MS4A7: variants seen among roughly 807,000 people sequenced by gnomAD.
MS4A7 encodes the protein membrane spanning 4-domains A7.
MS4A7 carries 21 observed loss-of-function variants against 23.5 expected under a neutral mutation model. The observed-to-expected ratio is 0.89, with a 90% CI of 0.63 to 1.29. The LOEUF is 1.29. MS4A7 is among the 50% of genes most tolerant of loss of function. The pLI is 0.00. For synonymous variants in MS4A7, 111 were observed against 107.4 expected (o/e 1.03, Z -0.21); for missense variants, 263 against 274.2 (o/e 0.96, Z 0.29).
At chr11:60,385,025 A>G (rs973164055) in intron 2 of MS4A7, 63 bp from the exon 3 acceptor site, 1 of 1,466,760 alleles carries the variant, frequency 6.8e-7, no homozygotes, top group South Asian at 1.2e-5. Context: ...TACCGTGTGC[A>G]TTCAAATAAT....
intron 4 of MS4A7, among the ~76,000 whole-genome samples, chr11:60,387,596 T>C (rs558397330): frequency 2.0e-5 from 3 of 152,180 alleles, no homozygotes; most frequent in South Asian, 2.1e-4. Context: ...ATGAGGGTGA[T>C]GGAGTAGGGG....
chr11:60,392,437 C>T (rs927852905), intron 5 of MS4A7, among the ~76,000 whole-genome samples: 4 of 151,890 alleles, frequency 2.6e-5, no homozygotes, highest in African/African-American at 9.7e-5. Flanking sequence ...ATAAAAGCAA[C>T]CAGAGATAAG....
At chr11:60,393,120 C>CAA (rs879586947) in intron 6 of MS4A7, among the ~76,000 whole-genome samples, 1 of 133,768 alleles carries the variant, frequency 7.5e-6, no homozygotes, top group African/African-American at 2.8e-5. Flanking sequence ...GACTCAGTCT[C>CAA]AAAAAAAAAA....
At chr11:60,384,939 C>T (rs2085467872) in intron 2 of MS4A7, 149 bp from the exon 3 acceptor site, 7 of 614,970 alleles carry the variant, frequency 1.1e-5, no homozygotes, top group Non-Finnish European at 1.9e-5. Context: ...TCTCTAGAAG[C>T]ATATCGATTG....
chr11:60,386,298 T>C (rs1223799939), intron 3 of MS4A7, among the ~76,000 whole-genome samples: 1 of 152,230 alleles, frequency 6.6e-6, no homozygotes, highest in Non-Finnish European at 1.5e-5. Context: ...CCAGTCCATG[T>C]GTTTCTGCAC....
intron 1 of MS4A7, 54 bp from the exon 2 acceptor site, chr11:60,383,075 T>A (rs542904679): frequency 6.3e-7 from 1 of 1,581,778 alleles, no homozygotes; most frequent in African/African-American, 1.3e-5. Context: ...CCTGGGAAGT[T>A]TATGTCTGTA....
At chr11:60,383,375 T>A in intron 2 of MS4A7, 87 bp downstream of exon 2, 1 of 1,467,628 alleles carries the variant, frequency 6.8e-7, no homozygotes, top group Non-Finnish European at 9.2e-7. Context: ...TCTGGGAAAC[T>A]CTTTCACTCT....
intron 1 of MS4A7, among the ~76,000 whole-genome samples, chr11:60,379,388 CTAAA>C (rs1483001751): frequency 3.3e-5 from 5 of 152,260 alleles, no homozygotes; most frequent in Non-Finnish European, 1.5e-5. Context: ...TAGAAACCAC[CTAAA>C]TAGTCATGAA....
intron 3 of MS4A7, among the ~76,000 whole-genome samples, chr11:60,385,769 T>C (rs1165810999): frequency 6.6e-6 from 1 of 152,164 alleles, no homozygotes; most frequent in Non-Finnish European, 1.5e-5. Flanking sequence ...TAATGGCTCA[T>C]GAAAAAGGGC....
chr11:60,385,046 T>C (rs2085469545), intron 2 of MS4A7, 42 bp from the exon 3 acceptor site: 2 of 1,577,730 alleles, frequency 1.3e-6, no homozygotes, highest in Middle Eastern at 1.7e-4. Flanking sequence ...CACTTTTATC[T>C]GTTTGAAGTG....
chr11:60,395,186 T>G lies in MS4A7; in HGVS notation c.*1325T>G, dbSNP rs563013442. ...TTCCCAGTCATTGCTGCAATTATCT[T>G]GTCTGTTCTTTGTGTAATATGTTCT... On this transcript the variant is annotated 3_prime_UTR_variant, in exon 7 of 7. Transcript: ENST00000300184. The G allele has an allele frequency of 9.8e-5, 35 of 358,106 alleles. No individual in the cohort carries two copies. Among genetic ancestry groups the G allele is most frequent in the African/African-American group, 4.6e-4 (22 of 48,126 alleles). The allele number at this position is 358,106 out of a possible 1,614,324, so 22.2% of individuals were successfully genotyped here.
At chr11:60,380,761 A>G (rs11230293) in intron 1 of MS4A7, among the ~76,000 whole-genome samples, 4 of 152,236 alleles carry the variant, frequency 2.6e-5, no homozygotes, top group Non-Finnish European at 5.9e-5. Context: ...TCTTCAACCT[A>G]TATTCCCTAA....
At position 60,393,832 on chromosome 11, in the gene MS4A7, A is replaced by C; in HGVS notation, c.694A>C (p.Lys232Gln). The C allele has an allele frequency of 6.2e-7, 1 of 1,611,650 alleles. No homozygotes were observed. Among genetic ancestry groups the C allele is most frequent in the East Asian group, 2.2e-5 (1 of 44,662 alleles). ...TQSQDHIQQV[K>Q]KSSSRSWI Reference sequence around the variant, plus strand: ...GTCACAAGATCATATCCAACAGGTCAAAAAGAGTTCTTCACGGTCTTGGAT... The same window carrying C: ...GTCACAAGATCATATCCAACAGGTCCAAAAGAGTTCTTCACGGTCTTGGAT... Residue 232 changes from lysine to glutamine, a missense_variant, in exon 7 of 7, where the codon AAA becomes CAA. Lys to Gln is a moderately conservative substitution (Grantham distance 53). Coordinates refer to ENST00000300184, the MANE Select transcript of MS4A7 (RefSeq NM_021201.5).
At chr11:60,389,960 AT>A (rs2085533745) in intron 5 of MS4A7, 1 of 243,344 alleles carries the variant, frequency 4.1e-6, no homozygotes, top group African/African-American at 2.3e-5. Context: ...CTTCATTTGA[AT>A]TATATTTTAA....
At chr11:60,384,403 T>C (rs759961165) in intron 2 of MS4A7, among the ~76,000 whole-genome samples, 13 of 152,226 alleles carry the variant, frequency 8.5e-5, no homozygotes, top group Non-Finnish European at 1.8e-4. Flanking sequence ...AGACAAGACA[T>C]AGTACACATA....
At chr11:60,382,620 C>T (rs773666056) in intron 1 of MS4A7, among the ~76,000 whole-genome samples, 2 of 152,150 alleles carry the variant, frequency 1.3e-5, no homozygotes, top group East Asian at 1.9e-4. Flanking sequence ...CAGGCCATCT[C>T]GCTATAGGAA....
rs145281316 is a variant in MS4A7, at chr11:60,391,071, G to A, written c.546+1475G>A. Among the ~76,000 whole-genome samples, 1,042 of 152,268 alleles carry A rather than the reference G, an allele frequency of 6.8e-3. 14 individuals are homozygous for A. Among genetic ancestry groups the A allele is most frequent in the African/African-American group, 0.024 (1,001 of 41,556 alleles). ...AGGATCACACAGTTTTAACATCCAT[G>A]ACAAGATTTGGCATTGGACAGGGCC... On this transcript the variant is annotated intron_variant, in intron 5 of 6. Transcript: ENST00000300184.
chr11:60,386,322 A>C (rs986027777), intron 3 of MS4A7, among the ~76,000 whole-genome samples: 10 of 152,160 alleles, frequency 6.6e-5, no homozygotes, highest in African/African-American at 2.4e-4. Context: ...GTCCCATCAG[A>C]GCCTCTTTCC....
intron 1 of MS4A7, among the ~76,000 whole-genome samples, chr11:60,379,193 TAAAG>T (rs1439328867): frequency 6.6e-6 from 1 of 152,222 alleles, no homozygotes; most frequent in Non-Finnish European, 1.5e-5. Flanking sequence ...TTGTGAAACA[TAAAG>T]AATCTTGGTT....
Sources: gnomAD v4.1 joint callset for allele counts (sites outside exome capture counted in the v4.1 genomes callset) on GRCh38, gnomAD v4.1.1 for gene constraint, MANE v1.5 for transcripts, NCBI Gene and HGNC (gene_info 2026-07-23, HGNC 2026-07-21) for gene names.